Variants in HERC1 observed in about 807,000 individuals in gnomAD.
The protein encoded by HERC1 is HECT and RLD domain containing E3 ubiquitin protein ligase family member 1, also known as probable E3 ubiquitin-protein ligase HERC1.
Under a neutral mutation model 554.3 loss-of-function variants are expected in HERC1, and 160 were observed. The observed-to-expected ratio is 0.29, with a 90% CI of 0.25 to 0.33. HERC1 has a LOEUF of 0.33. Among genes scored for constraint, HERC1 ranks in the 10% least tolerant of loss-of-function variants. The pLI is 1.00. For missense variants in HERC1, 4,919 were observed against 5,918.5 expected (o/e 0.83, Z 5.54); for synonymous variants, 2,175 against 2,131.7 (o/e 1.02, Z -0.56).
chr15:63,615,369 GA>G (rs1193641172), intron 76 of HERC1, among the ~76,000 whole-genome samples: 3 of 152,218 alleles, frequency 2.0e-5, no homozygotes, highest in Non-Finnish European at 4.4e-5. Flanking sequence ...AACACTTTGG[GA>G]AGCTGAGGCA....
intron 1 of HERC1, among the ~76,000 whole-genome samples, chr15:63,789,548 C>T (rs1041066171): frequency 5.3e-5 from 8 of 151,686 alleles, no homozygotes; most frequent in African/African-American, 1.9e-4. Context: ...CTGTGATCCC[C>T]GCACTTCGGA....
intron 76 of HERC1, 109 bp downstream of exon 76, chr15:63,615,659 G>C: frequency 1.4e-6 from 1 of 719,620 alleles, no homozygotes; most frequent in Non-Finnish European, 2.2e-6. Context: ...TACATACAGA[G>C]GAATTAACAC....
chr15:63,644,310 T>C (rs1350233228), intron 57 of HERC1, among the ~76,000 whole-genome samples: 1 of 152,240 alleles, frequency 6.6e-6, no homozygotes, highest in Non-Finnish European at 1.5e-5. Flanking sequence ...AGAGATGCGA[T>C]CTGACTGGCC....
rs1050412245 is a variant in HERC1, at chr15:63,718,228, T to A, written c.3978+346A>T. Among the ~76,000 whole-genome samples the A allele has an allele frequency of 1.1e-4, 16 of 152,200 alleles. No individual in the cohort carries two copies. Among genetic ancestry groups the A allele is most frequent in the Non-Finnish European group, 1.5e-5 (1 of 68,034 alleles). ...TTTATCAATCCAAGGTATTGCTTAA[T>A]GTCCCTCATAAATTATGGCACCCCA... On this transcript the variant is annotated intron_variant, in intron 21 of 77. Transcript: ENST00000443617. This position sits in a 1 kb window ranked among gnomAD's most constrained non-coding sequence, Gnocchi z 4.2.
rs183193408 is a variant in HERC1 at position 63,744,295 on chromosome 15, C to A, written c.2520+2623G>T. Among the ~76,000 whole-genome samples, 300 of 152,248 alleles carry A rather than the reference C, an allele frequency of 2.0e-3. 1 individual carries two copies. The highest frequency in any genetic ancestry group is 7.0e-3 in the African/African-American group (292 of 41,544). ...CACTGGGTCAGACCTAAAGCTAGCA[C>A]AGCACCAGCACAGCACTGGGTCTCA... On this transcript the variant is annotated intron_variant, in intron 12 of 77. Coordinates refer to ENST00000443617, the MANE Select transcript of HERC1 (RefSeq NM_003922.4).
At position 63,734,944 on chromosome 15, in the gene HERC1, T is replaced by A; in HGVS notation, c.2521-95A>T. On this transcript the variant is annotated intron_variant, in intron 12 of 77. Coordinates refer to ENST00000443617, the MANE Select transcript of HERC1 (RefSeq NM_003922.4). The surrounding 1 kb of genome is among the most constrained non-coding windows in gnomAD (Gnocchi z 4.6). ...GAACTCACTGACTACTAGGATCATG[T>A]AAGTCTAAAAAAGATGGCATGATAA... 2 of 1,050,500 alleles carry A rather than the reference T, an allele frequency of 1.9e-6. No homozygotes were observed. Among genetic ancestry groups the A allele is most frequent in the Non-Finnish European group, 2.7e-6 (2 of 733,284 alleles). The allele number at this position is 1,050,500 out of a possible 1,614,324, so 65.1% of individuals were successfully genotyped here. A position where few individuals can be genotyped will look rare whatever the true frequency, so the allele number is the denominator to read the frequency against.
At chr15:63,616,757 T>C (rs1038229713) in intron 74 of HERC1, 75 bp from the exon 75 acceptor site, 11 of 1,341,954 alleles carry the variant, frequency 8.2e-6, no homozygotes, top group South Asian at 2.5e-5. Context: ...ACAACAGCTA[T>C]AGCGTTAGTC....
At chr15:63,686,089 T>C (rs186961970) in intron 34 of HERC1, among the ~76,000 whole-genome samples, 20 of 152,330 alleles carry the variant, frequency 1.3e-4, no homozygotes. Context: ...GAAAATGTGT[T>C]CTGTGTGACT....
At chr15:63,782,718 C>T (rs1473349129) in intron 1 of HERC1, among the ~76,000 whole-genome samples, 1 of 152,154 alleles carries the variant, frequency 6.6e-6, no homozygotes, top group African/African-American at 2.4e-5. Flanking sequence ...TGGGTAAAGT[C>T]AATAGAAAAT....
Position 63,694,984 on chromosome 15 carries a change from G to T in HERC1, c.5122-90C>A. On this transcript the variant is annotated intron_variant, in intron 27 of 77. Coordinates refer to ENST00000443617, the MANE Select transcript of HERC1 (RefSeq NM_003922.4). The surrounding 1 kb of genome is among the most constrained non-coding windows in gnomAD (Gnocchi z 4.3). ...TAATAACATTTTATTTCTAGTCTAT[G>T]CTAGAGCCTTACGATGGTTTTTAAT... is the stretch of plus-strand genomic sequence containing the variant. 2 of 1,158,782 alleles carry T rather than the reference G, an allele frequency of 1.7e-6. No individual in the cohort carries two copies. The highest frequency in any genetic ancestry group is 2.4e-6 in the Non-Finnish European group (2 of 837,090). 71.8% of individuals were successfully genotyped at this position (1,158,782 alleles called of 1,614,324 possible).
intron 2 of HERC1, among the ~76,000 whole-genome samples, chr15:63,767,036 C>G (rs958485298): frequency 2.8e-5 from 4 of 141,018 alleles, no homozygotes; most frequent in African/African-American, 1.1e-4. Context: ...GAGTCTTGCT[C>G]TGTTGCCCAG....
Position 63,775,329 on chromosome 15 carries a change from A to G in HERC1, c.295T>C (p.Phe99Leu), listed in dbSNP as rs2076082952. The change falls in exon 2 of 78, where the codon TTT becomes CTT. Residue 99 changes from phenylalanine to leucine, a missense_variant. This residue lies in a region of HERC1 where 744 missense variants were observed against 1,090.0 expected (regional missense o/e 0.68). Transcript: ENST00000443617. The surrounding 1 kb of genome is among the most constrained non-coding windows in gnomAD (Gnocchi z 4.0). The part of the protein sequence containing the change: ...LAKMVCSDSP[F>L]AGALRKRLLV... ...AGTCGTTTTCTAAGTGCCCCGGCAA[A>G]TGGGGAATCTGAACATACCATCTTT... is the stretch of plus-strand genomic sequence containing the variant. 1.2e-6 allele frequency: 2 copies of G among 1,614,018 alleles called. No homozygotes were observed. The highest frequency in any genetic ancestry group is 1.7e-6 in the Non-Finnish European group (2 of 1,179,878).
At chr15:63,736,101 G>C (rs1309252050) in intron 12 of HERC1, among the ~76,000 whole-genome samples, 1 of 152,166 alleles carries the variant, frequency 6.6e-6, no homozygotes, top group Non-Finnish European at 1.5e-5. Flanking sequence ...TTTGGAAACA[G>C]AAAGGAACAG....
At position 63,677,707 on chromosome 15, in the gene HERC1, C is replaced by CA. The variant is rs2071278622; in HGVS notation, c.7070+137dup. On this transcript the variant is annotated intron_variant, in intron 37 of 77. Transcript: ENST00000443617. The surrounding 1 kb of genome is among the most constrained non-coding windows in gnomAD (Gnocchi z 4.4). ...CTCCTTTAAGAAATTACAGTAGAAA[C>CA]ATCTAGCTGCATGAGAAATATTTTT... 1 of 1,400,434 alleles carries CA rather than the reference C, an allele frequency of 7.1e-7. No individual in the cohort carries two copies. Among genetic ancestry groups the CA allele is most frequent in the Non-Finnish European group, 9.5e-7 (1 of 1,047,600 alleles). The allele number at this position is 1,400,434 out of a possible 1,614,324, so 86.8% of individuals were successfully genotyped here. A position where few individuals can be genotyped will look rare whatever the true frequency, so the allele number is the denominator to read the frequency against.
At chr15:63,821,111 C>T (rs1374211045) in intron 1 of HERC1, among the ~76,000 whole-genome samples, 2 of 152,176 alleles carry the variant, frequency 1.3e-5, no homozygotes, top group African/African-American at 4.8e-5. Flanking sequence ...ACTCAACAGT[C>T]CTCCTTTAGC....
At chr15:63,690,669 C>T in intron 31 of HERC1, 22 bp from the exon 32 acceptor site, 2 of 1,381,960 alleles carry the variant, frequency 1.4e-6, no homozygotes, top group Non-Finnish European at 2.0e-6. Context: ...AAGACCTTTT[C>T]TTATTATCAA....
Position 63,756,473 on chromosome 15 carries a change from T to C in HERC1, c.1497A>G (p.Lys499=), listed in dbSNP as rs1355948259. The C allele has an allele frequency of 1.2e-6, 2 of 1,613,846 alleles. No individual in the cohort carries two copies. Among genetic ancestry groups the C allele is most frequent in the Non-Finnish European group, 8.5e-7 (1 of 1,179,868 alleles). ...KLGHGNSSTQ[K]YPKLIQGPLQ... ...GAGGTCCCTGAATAAGCTTGGGATATTTCTGTGTTGAACTATTTCCATGCC... is the reference window on the plus strand; with the variant it reads ...GAGGTCCCTGAATAAGCTTGGGATACTTCTGTGTTGAACTATTTCCATGCC... Residue 499 remains lysine, a synonymous_variant, in exon 5 of 78, where the codon AAA becomes AAG. Transcript: ENST00000443617. The surrounding 1 kb of genome is among the most constrained non-coding windows in gnomAD (Gnocchi z 5.0).
intron 11 of HERC1, among the ~76,000 whole-genome samples, chr15:63,747,310 A>G (rs1298718498): frequency 6.6e-6 from 1 of 152,146 alleles, no homozygotes; most frequent in Non-Finnish European, 1.5e-5. Context: ...AAATACAAAA[A>G]TTAGCTGGGC....
chr15:63,748,579 C>T (rs559731394), intron 10 of HERC1, among the ~76,000 whole-genome samples: 1 of 152,070 alleles, frequency 6.6e-6, no homozygotes, highest in Non-Finnish European at 1.5e-5. Context: ...CTTTTCAGTT[C>T]TTGGGACCCA....
Sources: gnomAD v4.1 joint callset for allele counts (sites outside exome capture counted in the v4.1 genomes callset) on GRCh38, gnomAD v4.1.1 for gene constraint, gnomAD v4.1.1 regional missense constraint, Gnocchi (gnomAD v3.1) non-coding constraint, MANE v1.5 for transcripts, NCBI Gene and HGNC (gene_info 2026-07-23, HGNC 2026-07-21) for gene names.